Variants in RABGAP1L observed in about 807,000 individuals in gnomAD.
RABGAP1L encodes the protein RAB GTPase activating protein 1 like, also known as rab GTPase-activating protein 1-like.
RABGAP1L carries 63 observed loss-of-function variants against 137.7 expected under a neutral mutation model. That is an observed-to-expected ratio of 0.46 (90% CI 0.37 to 0.56). RABGAP1L has a LOEUF of 0.56. Among genes scored for constraint, RABGAP1L ranks in the 20% least tolerant of loss-of-function variants. The probability of loss-of-function intolerance (pLI) is 0.00; values close to 1 mark genes in which losing one functional copy is unlikely to be tolerated. For missense variants in RABGAP1L, 1,095 were observed against 1,244.0 expected, an observed-to-expected ratio of 0.88 and a Z score of 1.80; for synonymous variants, 431 against 433.7, an observed-to-expected ratio of 0.99 and a Z score of 0.08.
At chr1:174,391,372 G>T (rs1173346867) in intron 12 of RABGAP1L, among the ~76,000 whole-genome samples, 1 of 152,144 alleles carries the variant, frequency 6.6e-6, no homozygotes, top group Non-Finnish European at 1.5e-5. Context: ...CTGATGCCCT[G>T]CCTGGTGTGA....
chr1:174,269,037 G>A (rs920302941), intron 7 of RABGAP1L, among the ~76,000 whole-genome samples: 3 of 151,894 alleles, frequency 2.0e-5, no homozygotes, highest in Non-Finnish European at 1.5e-5. Context: ...CTGCCTCCCC[G>A]GTTCACGCCA....
At chr1:174,911,600 A>T (rs1391488240) in intron 19 of RABGAP1L, among the ~76,000 whole-genome samples, 1 of 152,234 alleles carries the variant, frequency 6.6e-6, no homozygotes, top group African/African-American at 2.4e-5. Flanking sequence ...AAGGTGTTAA[A>T]TATAGCCCAT....
At chr1:174,335,770 GGCTCA>G (rs1681416655) in intron 11 of RABGAP1L, among the ~76,000 whole-genome samples, 1 of 152,194 alleles carries the variant, frequency 6.6e-6, no homozygotes, top group South Asian at 2.1e-4. Context: ...CTATCCTAAA[GGCTCA>G]GTTCTGGGTT....
Position 174,231,339 on chromosome 1 carries a change from C to G in RABGAP1L, c.526C>G (p.Pro176Ala). 6.2e-7 allele frequency: 1 copy of G among 1,613,786 alleles called. No homozygotes were observed. The highest frequency in any genetic ancestry group is 8.5e-7 in the Non-Finnish European group (1 of 1,179,776). Residue 176 changes from proline to alanine, a missense_variant, in exon 4 of 26, where the codon CCA becomes GCA. Coordinates refer to ENST00000681986, the MANE Select transcript of RABGAP1L (RefSeq NM_001366446.1). ...TGTTACCCTGTATGTACCAAATGTT[C>G]CAGAAGGTTCTGTGAGGTAAGCTCT... ...FPVTLYVPNV[P>A]EGSVRIIDQS...
At chr1:174,201,067 G>T (rs974420370) in intron 1 of RABGAP1L, among the ~76,000 whole-genome samples, 1 of 151,888 alleles carries the variant, frequency 6.6e-6, no homozygotes, top group Non-Finnish European at 1.5e-5. Context: ...TTTTGTTTTA[G>T]TCTGCTCCTA....
At chr1:174,607,115 T>C (rs1296203275) in intron 13 of RABGAP1L, among the ~76,000 whole-genome samples, 1 of 152,190 alleles carries the variant, frequency 6.6e-6, no homozygotes, top group African/African-American at 2.4e-5. Context: ...TTAATATCAG[T>C]ATGTTCAATG....
At chr1:174,549,430 C>T (rs1487242707) in intron 13 of RABGAP1L, among the ~76,000 whole-genome samples, 1 of 152,072 alleles carries the variant, frequency 6.6e-6, no homozygotes, top group Non-Finnish European at 1.5e-5. Flanking sequence ...AAGGGGGAGA[C>T]TGGATTTTAA....
intron 13 of RABGAP1L, among the ~76,000 whole-genome samples, chr1:174,427,309 C>A (rs911687006): frequency 6.6e-6 from 1 of 152,006 alleles, no homozygotes; most frequent in Non-Finnish European, 1.5e-5. Context: ...AGTTTTTAAT[C>A]AAATTTTCTT....
chr1:174,439,823 C>G (rs1036707611), intron 13 of RABGAP1L, among the ~76,000 whole-genome samples: 1 of 152,212 alleles, frequency 6.6e-6, no homozygotes, highest in African/African-American at 2.4e-5. Context: ...CTGTGTCTAG[C>G]ACCGCAGTGT....
At chr1:174,179,733 T>A (rs961205767) in intron 1 of RABGAP1L, among the ~76,000 whole-genome samples, 1 of 152,194 alleles carries the variant, frequency 6.6e-6, no homozygotes, top group African/African-American at 2.4e-5. Flanking sequence ...TGTCTCAGTA[T>A]TATTAGGAAA....
chr1:174,837,882 C>A (rs115118637), intron 19 of RABGAP1L, among the ~76,000 whole-genome samples: 3 of 152,208 alleles, frequency 2.0e-5, no homozygotes, highest in East Asian at 1.9e-4. Context: ...ATAAAAAAAT[C>A]TTTTGTCTGT....
At chr1:174,388,641 A>G (rs547973096) in intron 12 of RABGAP1L, among the ~76,000 whole-genome samples, 7 of 152,232 alleles carry the variant, frequency 4.6e-5, no homozygotes, top group South Asian at 4.1e-4. Flanking sequence ...AGGATTAGGC[A>G]GAATAATATC....
intron 13 of RABGAP1L, among the ~76,000 whole-genome samples, chr1:174,503,489 A>G (rs557115715): frequency 2.6e-5 from 4 of 151,958 alleles, no homozygotes; most frequent in African/African-American, 4.8e-5. Context: ...GTGAAACCCC[A>G]TCTCTACTAA....
chr1:174,249,806 C>T (rs4650981), intron 5 of RABGAP1L, among the ~76,000 whole-genome samples: 44,574 of 151,772 alleles, frequency 0.29, 6,967 homozygotes, highest in African/African-American at 0.37. Context: ...CCATGCCCTG[C>T]TAATTTTTTG....
chr1:174,177,975 G>C (rs527596157), intron 1 of RABGAP1L, among the ~76,000 whole-genome samples: 2 of 152,064 alleles, frequency 1.3e-5, no homozygotes, highest in Admixed American at 6.6e-5. Flanking sequence ...TTGTTTTTTG[G>C]TTCCATATGA....
intron 18 of RABGAP1L, among the ~76,000 whole-genome samples, chr1:174,755,560 T>C (rs1684682886): frequency 6.6e-6 from 1 of 152,200 alleles, no homozygotes; most frequent in Admixed American, 6.5e-5. Flanking sequence ...GTCCTACATG[T>C]GTATGCAGAC....
At position 174,906,184 on chromosome 1, in the gene RABGAP1L, A is replaced by AT. The variant is rs769557276; in HGVS notation, c.2341-51266dup. Among the ~76,000 whole-genome samples the AT allele has an allele frequency of 1.2e-4, 19 of 152,120 alleles. No homozygotes were observed. The East Asian group carries it at 2.2e-3, about 17-fold the overall frequency. On this transcript the variant is annotated intron_variant, in intron 19 of 25. Transcript: ENST00000681986. ...AGGCATGTGCCAACTCGCCTGGCTA[A>AT]TTTTTTTATTTTTTGGTAGAGACGG...
At chr1:174,502,576 GTA>G (rs60045454) in intron 13 of RABGAP1L, among the ~76,000 whole-genome samples, 172 of 128,986 alleles carry the variant, frequency 1.3e-3, no homozygotes, top group Non-Finnish European at 1.6e-3. Flanking sequence ...AAAGTACACG[GTA>G]TATATATATA....
At chr1:174,898,098 A>G (rs1254931947) in intron 19 of RABGAP1L, 1 of 152,180 alleles carries the variant, frequency 6.6e-6, no homozygotes, top group Non-Finnish European at 1.5e-5. Context: ...TTGAGACGAA[A>G]CAGAACTGAC....
Sources: allele counts gnomAD v4.1 joint callset (sites outside exome capture counted in the v4.1 genomes callset), GRCh38; gene constraint gnomAD v4.1.1; transcripts MANE v1.5; gene names NCBI Gene and HGNC (gene_info 2026-07-23, HGNC 2026-07-21).